PRR5L: variants seen among roughly 807,000 people sequenced by gnomAD.
The protein encoded by PRR5L is proline-rich protein 5-like.
PRR5L carries 21 observed loss-of-function variants against 36.4 expected under a neutral mutation model. The observed-to-expected ratio is 0.58, with a 90% CI of 0.41 to 0.83. The LOEUF is 0.83. Ranked by LOEUF, PRR5L falls within the 40% of genes least tolerant of loss-of-function variation. The pLI is 0.00. For synonymous variants in PRR5L, 188 were observed against 197.0 expected (o/e 0.95, Z 0.38); for missense variants, 381 against 473.3 (o/e 0.80, Z 1.81).
intron 8 of PRR5L, among the ~76,000 whole-genome samples, chr11:36,456,331 G>T (rs929592205): frequency 1.3e-5 from 2 of 152,158 alleles, no homozygotes; most frequent in African/African-American, 4.8e-5. Flanking sequence ...TTGCTGTATT[G>T]CCATGTCCTA....
chr11:36,423,715 T>C (rs1027413960), intron 4 of PRR5L, among the ~76,000 whole-genome samples: 27 of 152,216 alleles, frequency 1.8e-4, no homozygotes, highest in African/African-American at 6.0e-4. Flanking sequence ...AGGGGGGCTT[T>C]GAACAAGTGG....
At chr11:36,448,021 C>T (rs1225404281) in intron 7 of PRR5L, among the ~76,000 whole-genome samples, 3 of 152,024 alleles carry the variant, frequency 2.0e-5, no homozygotes, top group Admixed American at 6.6e-5. Context: ...GGCTGAGAAG[C>T]GATTCCTTTG....
intron 1 of PRR5L, among the ~76,000 whole-genome samples, chr11:36,398,176 T>C (rs1319715746): frequency 6.6e-6 from 1 of 152,200 alleles, no homozygotes; most frequent in Non-Finnish European, 1.5e-5. Context: ...GGGAACATGC[T>C]CAAACAGGTG....
chr11:36,420,846 C>CACAT (rs1284024074), intron 4 of PRR5L, among the ~76,000 whole-genome samples: 13 of 127,778 alleles, frequency 1.0e-4, no homozygotes, highest in Non-Finnish European at 1.9e-4. Flanking sequence ...CACACACACA[C>CACAT]ACACACACAC....
intron 4 of PRR5L, among the ~76,000 whole-genome samples, chr11:36,421,929 G>A (rs1858273499): frequency 6.6e-6 from 1 of 152,202 alleles, no homozygotes; most frequent in African/African-American, 2.4e-5. Flanking sequence ...ATGCTGACTA[G>A]TTAGGATTTC....
chr11:36,390,740 C>T (rs931469158), intron 1 of PRR5L, among the ~76,000 whole-genome samples: 5 of 152,158 alleles, frequency 3.3e-5, no homozygotes, highest in East Asian at 1.9e-4. Flanking sequence ...TGATGCACTC[C>T]GATATTTTCT....
chr11:36,379,947 C>T (rs1857340367), intron 1 of PRR5L, among the ~76,000 whole-genome samples: 1 of 152,134 alleles, frequency 6.6e-6, no homozygotes, highest in African/African-American at 2.4e-5. Flanking sequence ...GATGAGAAAA[C>T]AGAGGCTCAG....
At chr11:36,323,850 C>T (rs1481876824) in intron 1 of PRR5L, among the ~76,000 whole-genome samples, 2 of 152,254 alleles carry the variant, frequency 1.3e-5, no homozygotes, top group African/African-American at 4.8e-5. Flanking sequence ...TATGCCACTG[C>T]ACTCCAGCCT....
intron 1 of PRR5L, among the ~76,000 whole-genome samples, chr11:36,353,418 A>G (rs1171701747): frequency 6.6e-6 from 1 of 152,192 alleles, no homozygotes; most frequent in South Asian, 2.1e-4. Context: ...TATTTTCCTA[A>G]TAATCTTGAG....
chr11:36,365,715 G>T (rs751699819), intron 1 of PRR5L, among the ~76,000 whole-genome samples: 1 of 152,122 alleles, frequency 6.6e-6, no homozygotes, highest in Non-Finnish European at 1.5e-5. Flanking sequence ...ATCAATGAAA[G>T]CCAGGCTGAA....
chr11:36,418,263 T>C (rs1238484648), intron 3 of PRR5L, among the ~76,000 whole-genome samples: 1 of 152,090 alleles, frequency 6.6e-6, no homozygotes, highest in Non-Finnish European at 1.5e-5. Flanking sequence ...CCTGCTGTGG[T>C]CCCCTTGGAA....
At chr11:36,458,747 C>T (rs370139162) in intron 8 of PRR5L, among the ~76,000 whole-genome samples, 2 of 152,330 alleles carry the variant, frequency 1.3e-5, no homozygotes, top group East Asian at 1.9e-4. Flanking sequence ...CAGCATGAGC[C>T]ACGTGTCCCC....
In PRR5L at chr11:36,436,894, C is replaced by T. The variant is rs1259743574; in HGVS notation, c.353-491C>T. Reference sequence around the variant, plus strand: ...AATGTTGTAACAATTCATGTAATAACAATTACTATGTGATTTTAAGATGTC... The same window carrying T: ...AATGTTGTAACAATTCATGTAATAATAATTACTATGTGATTTTAAGATGTC... On this transcript the variant is annotated intron_variant, in intron 5 of 8. Coordinates refer to ENST00000530639, the MANE Select transcript of PRR5L (RefSeq NM_001160167.2). 2.0e-5 allele frequency among the ~76,000 whole-genome samples: 3 copies of T among 152,268 alleles called. No individual in the cohort carries two copies. The East Asian group carries it at 5.8e-4, about 29-fold the overall frequency.
intron 6 of PRR5L, among the ~76,000 whole-genome samples, chr11:36,440,330 G>A (rs959639619): frequency 2.7e-4 from 41 of 152,094 alleles, no homozygotes; most frequent in Admixed American, 2.6e-3. Context: ...TCCTTGGCCC[G>A]GTTAAACTCA....
At chr11:36,401,603 A>T (rs1857799202) in intron 2 of PRR5L, among the ~76,000 whole-genome samples, 1 of 150,838 alleles carries the variant, frequency 6.6e-6, no homozygotes, top group African/African-American at 2.5e-5. Context: ...TAAAAAAGCA[A>T]TTTTTTTTTA....
intron 3 of PRR5L, among the ~76,000 whole-genome samples, chr11:36,405,818 A>G (rs1857898371): frequency 6.6e-6 from 1 of 152,172 alleles, no homozygotes. Flanking sequence ...CGACTGGAAG[A>G]TGTGTACTGT....
At chr11:36,425,180 C>T (rs1441730545) in intron 4 of PRR5L, among the ~76,000 whole-genome samples, 1 of 152,218 alleles carries the variant, frequency 6.6e-6, no homozygotes, top group Non-Finnish European at 1.5e-5. Flanking sequence ...TCTGGCAATG[C>T]TTTCAGCATT....
At chr11:36,330,497 G>A (rs1856707593) in intron 1 of PRR5L, among the ~76,000 whole-genome samples, 1 of 152,144 alleles carries the variant, frequency 6.6e-6, no homozygotes, top group Non-Finnish European at 1.5e-5. Context: ...GTACTTCTGA[G>A]TACTTGTCAT....
At chr11:36,358,992 G>A (rs763100412) in intron 1 of PRR5L, among the ~76,000 whole-genome samples, 3 of 152,174 alleles carry the variant, frequency 2.0e-5, no homozygotes, top group Non-Finnish European at 4.4e-5. Context: ...GTAATCAGTG[G>A]TTGGATTTTC....
Sources: allele counts gnomAD v4.1 joint callset (sites outside exome capture counted in the v4.1 genomes callset), GRCh38; gene constraint gnomAD v4.1.1; transcripts MANE v1.5; gene names NCBI Gene and HGNC (gene_info 2026-07-23, HGNC 2026-07-21).